Variants in PGC observed in about 807,000 individuals in gnomAD.
PGC encodes gastricsin.
A neutral mutation model predicts 45.9 loss-of-function variants in PGC; 31 were observed. The observed-to-expected ratio is 0.67, with a 90% CI of 0.51 to 0.91. The LOEUF (loss-of-function observed/expected upper bound fraction) is 0.91, where lower values mean the gene tolerates loss of function less well. Ranked by LOEUF, PGC falls within the 40% of genes least tolerant of loss-of-function variation. PGC has a pLI of 0.00. For synonymous variants in PGC, 192 were observed against 201.8 expected (o/e 0.95, Z 0.41); for missense variants, 477 against 493.2 (o/e 0.97, Z 0.31).
intron 5 of PGC, 56 bp from the exon 6 acceptor site, chr6:41,740,666 T>A: frequency 6.5e-7 from 1 of 1,536,964 alleles, no homozygotes; most frequent in Non-Finnish European, 8.8e-7. Flanking sequence ...AGGACTTTCC[T>A]CCTGAGCAGT....
chr6:41,745,551 T>C lies in PGC; in HGVS notation c.60-743A>G, dbSNP rs1460469314. Among the ~76,000 whole-genome samples the C allele has an allele frequency of 5.3e-4, 77 of 145,298 alleles. 1 individual carries two copies. The highest frequency in any genetic ancestry group is 3.3e-3 in the Middle Eastern group (1 of 302). On this transcript the variant is annotated intron_variant, in intron 1 of 8. Transcript: ENST00000373025. ...CCGCACCTGGCCCAGGATATGTAGT[T>C]TTTTTTTTTTTTTTTGAGACAGAGT...
In PGC at chr6:41,747,320, C is replaced by T; in HGVS notation, c.15G>A (p.Val5=). The change falls in exon 1 of 9, where the codon GTG becomes GTA. Residue 5 remains valine, a synonymous_variant. Coordinates refer to ENST00000373025, the MANE Select transcript of PGC (RefSeq NM_002630.4). MKWM[V]VVLVCLQLLE... The stretch of plus-strand genomic sequence containing the variant: ...AGAGCTGGAGGCAGACCAAGACCAC[C>T]ACCATCCACTTCATGATGCTGGTCC... 6.2e-7 allele frequency: 1 copy of T among 1,614,046 alleles called. No homozygotes were observed. The highest frequency in any genetic ancestry group is 8.5e-7 in the Non-Finnish European group (1 of 1,179,932).
At chr6:41,746,295 C>G (rs1257561266) in intron 1 of PGC, among the ~76,000 whole-genome samples, 1 of 152,244 alleles carries the variant, frequency 6.6e-6, no homozygotes, top group Non-Finnish European at 1.5e-5. Context: ...CTAGCTGGGA[C>G]TCAGGACACA....
chr6:41,740,687 G>A, intron 5 of PGC, 77 bp from the exon 6 acceptor site: 2 of 1,516,444 alleles, frequency 1.3e-6, no homozygotes, highest in South Asian at 2.7e-5. Flanking sequence ...CACCTCCACA[G>A]GGAAACAGAG....
chr6:41,738,178 A>ATATATATG (rs1259246086), intron 7 of PGC, among the ~76,000 whole-genome samples: 6 of 27,582 alleles, frequency 2.2e-4, no homozygotes, highest in African/African-American at 7.2e-4. Flanking sequence ...ATATATATAT[A>ATATATATG]CATATATATA....
intron 7 of PGC, 25 bp from the exon 8 acceptor site, chr6:41,737,853 T>TA: frequency 7.2e-7 from 1 of 1,382,254 alleles, no homozygotes; most frequent in Non-Finnish European, 1.0e-6. Flanking sequence ...GGTCCCTGGT[T>TA]AACTCATCCT....
Position 41,742,395 on chromosome 6 carries a change from C to T in PGC, c.542G>A (p.Gly181Asp), listed in dbSNP as rs1026745076. The T allele has an allele frequency of 1.9e-6, 3 of 1,614,094 alleles. No homozygotes were observed. In the Admixed American group the frequency reaches 5.0e-5, roughly 27 times the overall value. The change falls in exon 5 of 9, where the codon GGC (glycine) becomes GAC (aspartate). Residue 181 changes from glycine to aspartate, a missense_variant. Transcript: ENST00000373025. ...FVYAQFDGIMGLAYPALSVDE... is the reference protein window; with the variant it reads ...FVYAQFDGIMDLAYPALSVDE... The stretch of plus-strand genomic sequence containing the variant: ...CACGGACAGAGCAGGGTAGGCCAGG[C>T]CCATGATGCCATCAAACTGCGCATA...
At position 41,742,353 on chromosome 6, in the gene PGC, G is replaced by T; in HGVS notation, c.584C>A (p.Ala195Asp). The T allele has an allele frequency of 1.2e-6, 2 of 1,614,212 alleles. No individual in the cohort carries two copies. The highest frequency in any genetic ancestry group is 1.7e-6 in the Non-Finnish European group (2 of 1,180,038). ...GCCCTCCTGCACCATGCCCTGCATA[G>T]CTGTGGTGGCCTCATCCACGGACAG... ...PALSVDEATT[A>D]MQGMVQEGAL... The change falls in exon 5 of 9, where the codon GCT becomes GAT. Residue 195 changes from alanine to aspartate, a missense_variant. By Grantham distance (126) the Ala-to-Asp change is moderately radical. Coordinates refer to ENST00000373025, the MANE Select transcript of PGC (RefSeq NM_002630.4).
intron 6 of PGC, 117 bp downstream of exon 6, chr6:41,740,374 G>T: frequency 7.6e-7 from 1 of 1,324,020 alleles, no homozygotes. Flanking sequence ...GTAGGAGTAA[G>T]CCTCAGGGGT....
At chr6:41,738,253 T>TATATATATGC (rs1561880063) in intron 7 of PGC, among the ~76,000 whole-genome samples, 790 of 12,846 alleles carry the variant, frequency 0.061, 74 homozygotes, top group Non-Finnish European at 0.08. Context: ...TATATATGCA[T>TATATATATGC]ATATATATAT....
At chr6:41,738,142 ATGCATATATATATACATATATATG>A (rs1771726717) in intron 7 of PGC, among the ~76,000 whole-genome samples, 7 of 35,524 alleles carry the variant, frequency 2.0e-4, no homozygotes, top group Admixed American at 1.0e-3. Flanking sequence ...GCATATATAT[ATGCATATATATATACATATATATG>A]CATATATATA....
Position 41,736,939 on chromosome 6 carries a change from CA to C in PGC, c.1079del (p.Leu360ArgfsTer23). 1 of 1,614,076 alleles carries C rather than the reference CA, an allele frequency of 6.2e-7. No homozygotes were observed. The highest frequency in any genetic ancestry group is 1.3e-5 in the African/African-American group (1 of 75,046). On this transcript the variant is annotated frameshift_variant, in exon 9 of 9. Transcript: ENST00000373025. LOFTEE classifies it high-confidence loss of function. ...TYLSSQNGQP[L>X]WILGDVFLRS... ...TGAGGAAGACATCCCCGAGGATCCA[CA>C]GGGGCTGGCCGTTCTGGGAGGACAG...
chr6:41,736,841 A>G lies in PGC; in HGVS notation c.*11T>C. 6.2e-7 allele frequency: 1 copy of G among 1,614,066 alleles called. No individual in the cohort carries two copies. The highest frequency in any genetic ancestry group is 1.1e-5 in the South Asian group (1 of 91,078). On this transcript the variant is annotated 3_prime_UTR_variant, in exon 9 of 9. Transcript: ENST00000373025. ...GAGGAAGAGGGGAGCCCACGTGTCG[A>G]GGCAGCAAGTCTAGGCGGCAGTGGC... is the stretch of plus-strand genomic sequence containing the variant.
chr6:41,740,660 C>T (rs1771805668), intron 5 of PGC, 50 bp from the exon 6 acceptor site: 1 of 1,548,734 alleles, frequency 6.5e-7, no homozygotes, highest in Admixed American at 2.0e-5. Flanking sequence ...TGGAAAAGGA[C>T]TTTCCTCCTG....
At chr6:41,740,980 C>A (rs1771811535) in intron 5 of PGC, 2 of 1,524,062 alleles carry the variant, frequency 1.3e-6, no homozygotes, top group Non-Finnish European at 1.8e-6. Context: ...GCGCCTCAGG[C>A]TCCCGAATGA....
Position 41,736,980 on chromosome 6 carries a change from C to T in PGC, c.1039G>A (p.Val347Ile), listed in dbSNP as rs187120335. Reference sequence around the variant, plus strand: ...TGGGAGGACAGGTAGGTGGGCTCGACTCCCACGGTGCAGTAGCCGTTGTTC... The same window carrying T: ...TGGGAGGACAGGTAGGTGGGCTCGATTCCCACGGTGCAGTAGCCGTTGTTC... The part of the protein sequence containing the change: ...LSNNGYCTVG[V>I]EPTYLSSQNG... Residue 347 changes from valine to isoleucine, a missense_variant, in exon 9 of 9, where the codon GTC becomes ATC. Val to Ile is a conservative substitution (Grantham distance 29). Transcript: ENST00000373025. 4.3e-6 allele frequency: 7 copies of T among 1,613,832 alleles called. No homozygotes were observed. The highest frequency in any genetic ancestry group is 4.0e-5 in the African/African-American group (3 of 74,914).
chr6:41,740,977 A>G, intron 5 of PGC: 1 of 1,521,010 alleles, frequency 6.6e-7, no homozygotes, highest in Non-Finnish European at 8.8e-7. Flanking sequence ...CCAGCGCCTC[A>G]GGCTCCCGAA....
intron 4 of PGC, among the ~76,000 whole-genome samples, chr6:41,742,718 T>TAGA (rs1771854457): frequency 1.3e-5 from 2 of 152,316 alleles, no homozygotes; most frequent in South Asian, 4.1e-4. Context: ...TCTGCTCCCC[T>TAGA]GGTTCTAGCG....
chr6:41,738,656 C>T (rs569108126), intron 7 of PGC, among the ~76,000 whole-genome samples: 2 of 148,226 alleles, frequency 1.3e-5, no homozygotes, highest in Admixed American at 6.7e-5. Context: ...ACAACAACAA[C>T]GACAAAAACA....
Sources: gnomAD v4.1 joint callset for allele counts (sites outside exome capture counted in the v4.1 genomes callset) on GRCh38, gnomAD v4.1.1 for gene constraint, MANE v1.5 for transcripts, NCBI Gene and HGNC (gene_info 2026-07-23, HGNC 2026-07-21) for gene names.